Variants in PCDH15 observed in about 807,000 individuals in gnomAD.
PCDH15 encodes the protein protocadherin related 15.
Under a neutral mutation model 178.5 loss-of-function variants are expected in PCDH15, and 129 were observed. The observed-to-expected ratio is 0.72, with a 90% CI of 0.63 to 0.84. The LOEUF is 0.84. PCDH15 is among the 40% of genes least tolerant of loss of function. The probability of loss-of-function intolerance (pLI) is 0.00; values close to 1 mark genes in which losing one functional copy is unlikely to be tolerated. For synonymous variants in PCDH15, 800 were observed against 732.0 expected (o/e 1.09, Z -1.50); for missense variants, 2,230 against 2,099.9 (o/e 1.06, Z -1.21).
At chr10:55,609,009 T>TACACAC (rs548938586) in intron 2 of PCDH15, among the ~76,000 whole-genome samples, 10 of 99,508 alleles carry the variant, frequency 1.0e-4, no homozygotes, top group African/African-American at 3.7e-4. Context: ...ATATGTTATA[T>TACACAC]ATATATACAC....
chr10:55,013,066 C>T (rs1840084750), intron 2 of PCDH15, among the ~76,000 whole-genome samples: 1 of 152,056 alleles, frequency 6.6e-6, no homozygotes, highest in African/African-American at 2.4e-5. Flanking sequence ...GTTTATTGCC[C>T]CCAAGCTGAA....
chr10:54,680,555 G>A (rs1041457181), intron 1 of PCDH15, among the ~76,000 whole-genome samples: 7 of 152,096 alleles, frequency 4.6e-5, no homozygotes, highest in South Asian at 4.1e-4. Flanking sequence ...CTTTGGTTGT[G>A]TCCCCACCCA....
chr10:54,610,866 T>C (rs1017887775), intron 2 of PCDH15, among the ~76,000 whole-genome samples: 1 of 151,560 alleles, frequency 6.6e-6, no homozygotes, highest in Admixed American at 6.6e-5. Flanking sequence ...CCTGGAACAA[T>C]GCATCTATCT....
chr10:54,571,421 T>C (rs542036471), intron 2 of PCDH15, among the ~76,000 whole-genome samples: 3 of 151,552 alleles, frequency 2.0e-5, no homozygotes, highest in Non-Finnish European at 4.4e-5. Context: ...GGCTTTCTGT[T>C]CAGTATTTCA....
At chr10:54,872,534 T>A (rs929978827) in intron 3 of PCDH15, among the ~76,000 whole-genome samples, 1 of 151,912 alleles carries the variant, frequency 6.6e-6, no homozygotes, top group African/African-American at 2.4e-5. Flanking sequence ...TACCTCTCCA[T>A]ATATTTGCTC....
chr10:55,126,378 G>T (rs183967255), intron 2 of PCDH15, among the ~76,000 whole-genome samples: 3 of 152,122 alleles, frequency 2.0e-5, no homozygotes, highest in Admixed American at 6.6e-5. Context: ...TTTCCTTTAA[G>T]ATTTATTGGC....
intron 3 of PCDH15, among the ~76,000 whole-genome samples, chr10:54,833,267 TTTTG>T (rs1367206097): frequency 1.3e-5 from 2 of 151,846 alleles, no homozygotes; most frequent in Non-Finnish European, 1.5e-5. Context: ...TGATAATTAA[TTTTG>T]TTTATTAACT....
chr10:54,502,083 C>G (rs1321147066), intron 3 of PCDH15, among the ~76,000 whole-genome samples: 1 of 151,798 alleles, frequency 6.6e-6, no homozygotes, highest in South Asian at 2.1e-4. Flanking sequence ...CTTCTTTGAT[C>G]AGACCACTCC....
chr10:55,014,829 A>T (rs970057112), intron 2 of PCDH15, among the ~76,000 whole-genome samples: 6 of 152,198 alleles, frequency 3.9e-5, no homozygotes, highest in Non-Finnish European at 7.3e-5. Context: ...CAAGCATCAC[A>T]CTATATAAAA....
At chr10:54,156,932 ATC>A (rs2045216446) in intron 13 of PCDH15, among the ~76,000 whole-genome samples, 1 of 152,128 alleles carries the variant, frequency 6.6e-6, no homozygotes, top group Non-Finnish European at 1.5e-5. Flanking sequence ...CTCCAAAATG[ATC>A]TCTTTTGACT....
intron 1 of PCDH15, among the ~76,000 whole-genome samples, chr10:55,297,801 T>A (rs1422773333): frequency 6.6e-6 from 1 of 151,964 alleles, no homozygotes; most frequent in East Asian, 1.9e-4. Flanking sequence ...TGAACACAAA[T>A]TTACAAACTA....
intron 2 of PCDH15, among the ~76,000 whole-genome samples, chr10:55,596,792 C>T (rs572305136): frequency 3.6e-4 from 54 of 151,992 alleles, no homozygotes; most frequent in African/African-American, 1.3e-3. Flanking sequence ...AACAAACAAA[C>T]AAAAGCATTT....
intron 8 of PCDH15, among the ~76,000 whole-genome samples, chr10:54,276,196 CA>C (rs576912823): frequency 0.01 from 1,564 of 151,582 alleles, 25 homozygotes; most frequent in African/African-American, 0.035. Context: ...GCACCAAAAA[CA>C]AGGTGAAAAG....
At chr10:54,597,479 C>G (rs2092299117) in intron 2 of PCDH15, among the ~76,000 whole-genome samples, 1 of 151,970 alleles carries the variant, frequency 6.6e-6, no homozygotes, top group African/African-American at 2.4e-5. Context: ...GCACTAAACA[C>G]CCCCATCAAA....
chr10:54,082,955 T>A (rs1045368712), intron 16 of PCDH15, among the ~76,000 whole-genome samples: 8 of 152,130 alleles, frequency 5.3e-5, no homozygotes, highest in Non-Finnish European at 1.2e-4. Context: ...AAATACACAT[T>A]TTTTCCAAAG....
At chr10:54,787,619 T>C (rs1951012846) in intron 1 of PCDH15, among the ~76,000 whole-genome samples, 1 of 151,936 alleles carries the variant, frequency 6.6e-6, no homozygotes, top group Non-Finnish European at 1.5e-5. Flanking sequence ...GATGAGCCAG[T>C]ATGGACTTTT....
intron 25 of PCDH15, among the ~76,000 whole-genome samples, chr10:53,919,075 C>G (rs1470397735): frequency 6.6e-6 from 1 of 152,108 alleles, no homozygotes; most frequent in African/African-American, 2.4e-5. Context: ...TGCCTTCTTT[C>G]ACTTATAAGG....
intron 3 of PCDH15, among the ~76,000 whole-genome samples, chr10:54,881,636 T>G (rs1954263552): frequency 6.6e-6 from 1 of 152,100 alleles, no homozygotes; most frequent in Non-Finnish European, 1.5e-5. Flanking sequence ...ACACTGTGAA[T>G]CATCCGTAGT....
intron 4 of PCDH15, among the ~76,000 whole-genome samples, chr10:54,375,888 T>C (rs1948348132): frequency 1.4e-5 from 2 of 142,714 alleles, no homozygotes; most frequent in Admixed American, 7.0e-5. Context: ...GGAATATATA[T>C]ATATATATAA....
Sources: gnomAD v4.1 joint callset for allele counts (sites outside exome capture counted in the v4.1 genomes callset) on GRCh38, gnomAD v4.1.1 for gene constraint, MANE v1.5 for transcripts, NCBI Gene and HGNC (gene_info 2026-07-23, HGNC 2026-07-21) for gene names.